Variants in ARFGEF2 observed in about 807,000 individuals in gnomAD.
ARFGEF2 encodes the protein ARF guanine nucleotide exchange factor 2.
Under a neutral mutation model 219.9 loss-of-function variants are expected in ARFGEF2, and 74 were observed. That is an observed-to-expected ratio of 0.34 (90% CI 0.28 to 0.41). ARFGEF2 has a LOEUF of 0.41. ARFGEF2 is among the 10% of genes least tolerant of loss of function. The pLI, the probability that ARFGEF2 is intolerant of heterozygous loss-of-function variation, is 1.00. For missense variants in ARFGEF2, 1,743 were observed against 2,218.3 expected (o/e 0.79, Z 4.30); for synonymous variants, 733 against 799.2 (o/e 0.92, Z 1.40).
intron 7 of ARFGEF2, among the ~76,000 whole-genome samples, chr20:48,964,907 G>A (rs1384314883): frequency 6.6e-6 from 1 of 152,068 alleles, no homozygotes; most frequent in African/African-American, 2.4e-5. Flanking sequence ...ATAATGTTAA[G>A]TATTGTTTCA....
In ARFGEF2 at chr20:48,971,233, A is replaced by G; in HGVS notation, c.1304A>G (p.Tyr435Cys). 6.2e-7 allele frequency: 1 copy of G among 1,614,142 alleles called. No homozygotes were observed. Among genetic ancestry groups the G allele is most frequent in the Non-Finnish European group, 8.5e-7 (1 of 1,180,018 alleles). ...HEMFINAIKQ[Y>C]LCVALSKNGV... ...ATGTTCATCAATGCAATCAAGCAATATCTCTGTGTGGCCTTGTCCAAAAAC... is the reference window on the plus strand; with the variant it reads ...ATGTTCATCAATGCAATCAAGCAATGTCTCTGTGTGGCCTTGTCCAAAAAC... Residue 435 changes from tyrosine (Y) to cysteine (C), a missense_variant, in exon 10 of 39, where the codon TAT (tyrosine) becomes TGT (cysteine). Around this residue, in one of 5 missense-constraint regions of ARFGEF2, gnomAD observed 666 missense variants for 955.4 expected, o/e 0.70. Coordinates refer to ENST00000371917, the MANE Select transcript of ARFGEF2 (RefSeq NM_006420.3).
intron 6 of ARFGEF2, among the ~76,000 whole-genome samples, chr20:48,962,513 G>A (rs1000801341): frequency 3.3e-5 from 5 of 152,144 alleles, no homozygotes; most frequent in Non-Finnish European, 7.4e-5. Context: ...TTATAGTGGT[G>A]CATGAATGTG....
intron 6 of ARFGEF2, among the ~76,000 whole-genome samples, chr20:48,955,200 A>G (rs1345547924): frequency 6.6e-6 from 1 of 152,082 alleles, no homozygotes; most frequent in Non-Finnish European, 1.5e-5. Flanking sequence ...TTTGCTACAC[A>G]GTGCACAGGT....
At chr20:48,971,606 A>G (rs1271887985) in intron 10 of ARFGEF2, among the ~76,000 whole-genome samples, 1 of 152,330 alleles carries the variant, frequency 6.6e-6, no homozygotes, top group East Asian at 1.9e-4. Context: ...TTTTATAAAA[A>G]GTTACTGCCC....
intron 34 of ARFGEF2, among the ~76,000 whole-genome samples, chr20:49,020,323 G>C (rs1160923249): frequency 6.6e-6 from 1 of 152,186 alleles, no homozygotes; most frequent in Non-Finnish European, 1.5e-5. Context: ...TTCTTTAGAA[G>C]GAATAAAAGT....
intron 13 of ARFGEF2, 60 bp downstream of exon 13, chr20:48,974,934 G>T: frequency 7.3e-7 from 1 of 1,369,956 alleles, no homozygotes; most frequent in Non-Finnish European, 1.0e-6. Context: ...CGACTGCTAG[G>T]AACAGTTGTC....
intron 8 of ARFGEF2, among the ~76,000 whole-genome samples, chr20:48,967,385 A>G (rs535132994): frequency 6.6e-6 from 1 of 152,192 alleles, no homozygotes; most frequent in Admixed American, 6.5e-5. Context: ...TATCATAGGA[A>G]ATGGTTCTAT....
At chr20:48,937,624 G>A (rs1329761043) in intron 1 of ARFGEF2, among the ~76,000 whole-genome samples, 2 of 152,054 alleles carry the variant, frequency 1.3e-5, no homozygotes, top group Non-Finnish European at 2.9e-5. Context: ...AATACTTAAG[G>A]GTAAATTTAG....
At chr20:48,942,065 G>A (rs983877323) in intron 3 of ARFGEF2, 78 bp downstream of exon 3, 1 of 1,578,922 alleles carries the variant, frequency 6.3e-7, no homozygotes, top group African/African-American at 1.3e-5. Flanking sequence ...CTATGCTGGG[G>A]ACCACGCTGG....
At chr20:49,017,085 A>C (rs966664245) in intron 31 of ARFGEF2, among the ~76,000 whole-genome samples, 164 bp from the exon 32 acceptor site, 1 of 152,188 alleles carries the variant, frequency 6.6e-6, no homozygotes, top group Non-Finnish European at 1.5e-5. Context: ...TCTTCAAAAA[A>C]ATTTTAATAA....
chr20:48,969,761 G>C (rs552035846), intron 9 of ARFGEF2, among the ~76,000 whole-genome samples: 25 of 152,296 alleles, frequency 1.6e-4, no homozygotes, highest in African/African-American at 6.0e-4. Flanking sequence ...AGAAAGCAGA[G>C]GCTTCAGAGC....
intron 1 of ARFGEF2, among the ~76,000 whole-genome samples, chr20:48,928,425 C>G (rs192437266): frequency 6.2e-5 from 9 of 144,890 alleles, no homozygotes; most frequent in African/African-American, 2.3e-4. Context: ...GTCTCGATCT[C>G]CTGACCTCGT....
At chr20:48,953,302 A>C (rs940135849) in intron 5 of ARFGEF2, among the ~76,000 whole-genome samples, 9 of 151,570 alleles carry the variant, frequency 5.9e-5, no homozygotes, top group African/African-American at 2.2e-4. Context: ...CAACCTCCCA[A>C]GTAGCTGGGA....
At chr20:48,922,571 T>C (rs2090849981) in intron 1 of ARFGEF2, among the ~76,000 whole-genome samples, 1 of 152,252 alleles carries the variant, frequency 6.6e-6, no homozygotes, top group African/African-American at 2.4e-5. Flanking sequence ...TGCTTATTCC[T>C]AGCAGTCCAC....
intron 14 of ARFGEF2, among the ~76,000 whole-genome samples, chr20:48,977,975 C>T (rs529960833): frequency 5.9e-5 from 9 of 152,166 alleles, no homozygotes; most frequent in South Asian, 4.1e-4. Flanking sequence ...GAAGCTCTTT[C>T]GTTTAATTAG....
At chr20:48,926,590 C>G (rs2090878426) in intron 1 of ARFGEF2, among the ~76,000 whole-genome samples, 1 of 152,084 alleles carries the variant, frequency 6.6e-6, no homozygotes, top group South Asian at 2.1e-4. Context: ...TCCCAAGTAG[C>G]TAGGACTACA....
At chr20:48,977,221 C>A (rs1363708590) in intron 14 of ARFGEF2, among the ~76,000 whole-genome samples, 1 of 147,358 alleles carries the variant, frequency 6.8e-6, no homozygotes, top group East Asian at 2.1e-4. Flanking sequence ...TGAGTGAAAA[C>A]GTGGTGTTTG....
At chr20:48,969,030 G>T (rs2091208848) in intron 8 of ARFGEF2, 117 bp from the exon 9 acceptor site, 1 of 961,762 alleles carries the variant, frequency 1.0e-6, no homozygotes, top group South Asian at 1.4e-5. Flanking sequence ...GTGCCATCAT[G>T]GCTTACTGCA....
intron 23 of ARFGEF2, among the ~76,000 whole-genome samples, chr20:48,996,904 T>C (rs892186694): frequency 1.3e-5 from 2 of 152,164 alleles, no homozygotes; most frequent in East Asian, 1.9e-4. Flanking sequence ...TTCGTACTTA[T>C]TAGCAATCAC....
Sources: allele counts gnomAD v4.1 joint callset (sites outside exome capture counted in the v4.1 genomes callset), GRCh38; gene constraint gnomAD v4.1.1; regional missense constraint gnomAD v4.1.1; transcripts MANE v1.5; gene names NCBI Gene and HGNC (gene_info 2026-07-23, HGNC 2026-07-21).